The following SUFU variants were observed in gnomAD, a reference collection of about 807,000 sequenced individuals.
The protein encoded by SUFU is suppressor of fused homolog.
Under a neutral mutation model 58.9 loss-of-function variants are expected in SUFU, and 7 were observed. The observed-to-expected ratio is 0.12, with a 90% CI of 0.07 to 0.22. The LOEUF is 0.22. Among genes scored for constraint, SUFU ranks in the 10% least tolerant of loss-of-function variants. SUFU has a pLI of 1.00. For synonymous variants in SUFU, 232 were observed against 254.8 expected (o/e 0.91, Z 0.85); for missense variants, 451 against 641.3 (o/e 0.70, Z 3.20).
At chr10:102,516,508 T>A (rs2062472311) in intron 2 of SUFU, among the ~76,000 whole-genome samples, 1 of 152,124 alleles carries the variant, frequency 6.6e-6, no homozygotes, top group South Asian at 2.1e-4. Flanking sequence ...AGAGAGTCCC[T>A]CAACAGTTGG....
chr10:102,582,035 G>A (rs1319554376), intron 3 of SUFU, among the ~76,000 whole-genome samples: 3 of 152,252 alleles, frequency 2.0e-5, no homozygotes, highest in East Asian at 1.9e-4. Context: ...GTCCAGCTGC[G>A]TTTCCTGCCC....
intron 3 of SUFU, among the ~76,000 whole-genome samples, chr10:102,568,896 AAAT>A (rs1590038910): frequency 1.3e-4 from 2 of 15,464 alleles, no homozygotes; most frequent in East Asian, 1.3e-3. Context: ...AAAAAAAAAA[AAAT>A]ATATATATAT....
At chr10:102,599,583 G>T (rs370107490) in intron 8 of SUFU, 39 bp downstream of exon 8, 10 of 1,559,084 alleles carry the variant, frequency 6.4e-6, no homozygotes, top group Non-Finnish European at 8.0e-6. Context: ...ACAAGAGGAC[G>T]ACTTTTTTCT....
At position 102,630,689 on chromosome 10, in the gene SUFU, T is replaced by C; in HGVS notation, c.*534T>C. 1 of 292,900 alleles carries C rather than the reference T, an allele frequency of 3.4e-6. No homozygotes were observed. The highest frequency in any genetic ancestry group is 4.6e-5 in the Admixed American group (1 of 21,674). 18.1% of individuals were successfully genotyped at this position (292,900 alleles called of 1,614,324 possible). A position where few individuals can be genotyped will look rare whatever the true frequency, so the allele number is the denominator to read the frequency against. ...TTGTAGAAACCGGGTGGTATTTTAT[T>C]GCTCTGCAAAGATGTCCAGAAGCCA... On this transcript the variant is annotated 3_prime_UTR_variant, in exon 12 of 12. Coordinates refer to ENST00000369902, the MANE Select transcript of SUFU (RefSeq NM_016169.4).
intron 3 of SUFU, chr10:102,572,919 T>G: frequency 1.1e-6 from 1 of 949,584 alleles, no homozygotes; most frequent in Non-Finnish European, 1.7e-6. Flanking sequence ...GCTTGTTGGC[T>G]TTAACATCCA....
At chr10:102,551,331 G>A (rs1397762911) in intron 3 of SUFU, among the ~76,000 whole-genome samples, 1 of 152,156 alleles carries the variant, frequency 6.6e-6, no homozygotes, top group Non-Finnish European at 1.5e-5. Flanking sequence ...CTCCAGTTGA[G>A]TTGGCCAGAA....
At chr10:102,554,477 T>C (rs1270771816) in intron 3 of SUFU, among the ~76,000 whole-genome samples, 1 of 152,172 alleles carries the variant, frequency 6.6e-6, no homozygotes, top group Non-Finnish European at 1.5e-5. Context: ...CATACACCCA[T>C]GTAACCAGCA....
chr10:102,503,247 A>G (rs2062273614), upstream of SUFU, among the ~76,000 whole-genome samples: 1 of 152,166 alleles, frequency 6.6e-6, no homozygotes, highest in Non-Finnish European at 1.5e-5. Context: ...AATTGCATAA[A>G]ATTAGCTTTA....
At chr10:102,614,626 A>T (rs954133650) in intron 8 of SUFU, among the ~76,000 whole-genome samples, 1 of 151,252 alleles carries the variant, frequency 6.6e-6, no homozygotes, top group Admixed American at 6.6e-5. Context: ...CTATAATCCC[A>T]GCACTTTGGG....
intron 3 of SUFU, among the ~76,000 whole-genome samples, chr10:102,562,056 G>A (rs551286466): frequency 2.4e-4 from 36 of 152,212 alleles, no homozygotes; most frequent in Non-Finnish European, 4.3e-4. Flanking sequence ...AAGTGCTGAG[G>A]GACACAGCCT....
At chr10:102,514,787 C>T (rs1018773998) in intron 2 of SUFU, among the ~76,000 whole-genome samples, 5 of 152,216 alleles carry the variant, frequency 3.3e-5, no homozygotes, top group African/African-American at 1.2e-4. Flanking sequence ...TTCTGGCTGT[C>T]CCTGGTACCA....
chr10:102,529,558 G>A (rs1210481409), intron 2 of SUFU, among the ~76,000 whole-genome samples: 3 of 152,218 alleles, frequency 2.0e-5, no homozygotes, highest in Admixed American at 1.3e-4. Flanking sequence ...TGGATCACGA[G>A]GTCAGGAGTT....
chr10:102,571,700 A>G (rs73338656), intron 3 of SUFU, among the ~76,000 whole-genome samples: 4,596 of 152,264 alleles, frequency 0.03, 235 homozygotes, highest in African/African-American at 0.1. Context: ...AAAAAACAAA[A>G]CAACAACAAA....
intron 8 of SUFU, among the ~76,000 whole-genome samples, chr10:102,613,517 C>CT (rs1183891916): frequency 6.6e-6 from 1 of 152,248 alleles, no homozygotes; most frequent in Non-Finnish European, 1.5e-5. Flanking sequence ...GCCACCCTGG[C>CT]TGCAGGCCCC....
chr10:102,620,189 C>G (rs1007844776), intron 10 of SUFU, among the ~76,000 whole-genome samples: 1 of 152,222 alleles, frequency 6.6e-6, no homozygotes, highest in Non-Finnish European at 1.5e-5. Flanking sequence ...GTTACAGCAG[C>G]CTTGGAAGCC....
intron 2 of SUFU, among the ~76,000 whole-genome samples, chr10:102,522,378 C>A (rs1179355487): frequency 6.6e-6 from 1 of 152,056 alleles, no homozygotes; most frequent in Admixed American, 6.6e-5. Context: ...TTGTTATTTT[C>A]CCCTTAGAAC....
intron 2 of SUFU, among the ~76,000 whole-genome samples, chr10:102,533,682 G>C (rs2062703058): frequency 6.6e-6 from 1 of 152,164 alleles, no homozygotes; most frequent in Admixed American, 6.6e-5. Context: ...TTCAAAGTGA[G>C]CAACAACAGA....
intron 3 of SUFU, among the ~76,000 whole-genome samples, chr10:102,575,146 T>G (rs907756103): frequency 3.3e-5 from 5 of 151,838 alleles, no homozygotes; most frequent in African/African-American, 1.2e-4. Context: ...CCTAGGAGGT[T>G]AAGGCTACAG....
At chr10:102,504,379 G>C (rs778641121) in intron 1 of SUFU, 45 bp downstream of exon 1, 15 of 1,608,618 alleles carry the variant, frequency 9.3e-6, no homozygotes, top group Non-Finnish European at 1.2e-5. Flanking sequence ...GGGCTGGAAA[G>C]GGTTAAAGCG....
Sources: gnomAD v4.1 joint callset for allele counts (sites outside exome capture counted in the v4.1 genomes callset) on GRCh38, gnomAD v4.1.1 for gene constraint, MANE v1.5 for transcripts, NCBI Gene and HGNC (gene_info 2026-07-23, HGNC 2026-07-21) for gene names.